Variants in SH3GL2 observed in about 807,000 individuals in gnomAD.
The protein encoded by SH3GL2 is endophilin-A1.
A neutral mutation model predicts 46.0 loss-of-function variants in SH3GL2; 24 were observed. The observed-to-expected ratio is 0.52, with a 90% CI of 0.38 to 0.73. The LOEUF (loss-of-function observed/expected upper bound fraction) is 0.73, where lower values mean the gene tolerates loss of function less well. Among genes scored for constraint, SH3GL2 ranks in the 30% least tolerant of loss-of-function variants. SH3GL2 has a pLI of 0.00. For synonymous variants in SH3GL2, 196 were observed against 147.1 expected, an observed-to-expected ratio of 1.33 and a Z score of -2.40; for missense variants, 413 against 424.2, an observed-to-expected ratio of 0.97 and a Z score of 0.23.
intron 1 of SH3GL2, among the ~76,000 whole-genome samples, chr9:17,588,494 T>C (rs1251649471): frequency 2.0e-5 from 3 of 152,186 alleles, no homozygotes; most frequent in Non-Finnish European, 4.4e-5. Context: ...ATTGGAAGTA[T>C]GAGCAGGACT....
Position 17,600,850 on chromosome 9 carries a change from G to C in SH3GL2, c.45+21563G>C, listed in dbSNP as rs149452143. 1.4e-3 allele frequency among the ~76,000 whole-genome samples: 218 copies of C among 152,314 alleles called. 2 individuals carry two copies. The highest frequency in any genetic ancestry group is 5.1e-3 in the African/African-American group (210 of 41,566). On this transcript the variant is annotated intron_variant, in intron 1 of 8. Coordinates refer to ENST00000380607, the MANE Select transcript of SH3GL2 (RefSeq NM_003026.5). ...GAAGACAGAGCAGAGGGGAGAAAGA[G>C]ATATGTTATTTATGTAGGTGAAAAA...
chr9:17,615,488 C>G (rs545154191), intron 1 of SH3GL2, among the ~76,000 whole-genome samples: 1 of 151,962 alleles, frequency 6.6e-6, no homozygotes, highest in East Asian at 1.9e-4. Flanking sequence ...AACCCCGTCT[C>G]TACTAAAAAT....
chr9:17,770,899 C>T (rs758903103), intron 3 of SH3GL2, among the ~76,000 whole-genome samples: 3 of 152,208 alleles, frequency 2.0e-5, no homozygotes, highest in Non-Finnish European at 4.4e-5. Context: ...ATGCAGACTT[C>T]TCCCCTCTCT....
intron 1 of SH3GL2, among the ~76,000 whole-genome samples, chr9:17,605,916 A>T (rs1008790158): frequency 6.6e-6 from 1 of 152,188 alleles, no homozygotes; most frequent in Non-Finnish European, 1.5e-5. Flanking sequence ...CCCAGGCAGT[A>T]ACTGAACTGA....
At chr9:17,621,598 A>C (rs546270703) in intron 1 of SH3GL2, among the ~76,000 whole-genome samples, 8 of 152,136 alleles carry the variant, frequency 5.3e-5, no homozygotes, top group Non-Finnish European at 1.0e-4. Flanking sequence ...ATGTTCTTTA[A>C]CTCTGTTTAA....
intron 3 of SH3GL2, among the ~76,000 whole-genome samples, chr9:17,768,385 A>AC (rs1186705282): frequency 1.7e-4 from 26 of 151,928 alleles, no homozygotes; most frequent in African/African-American, 5.6e-4. Context: ...AAAAAAAAAA[A>AC]AAAAAACACC....
chr9:17,661,342 T>G (rs1015861266), intron 1 of SH3GL2, among the ~76,000 whole-genome samples: 10 of 152,064 alleles, frequency 6.6e-5, no homozygotes, highest in Non-Finnish European at 1.3e-4. Context: ...ATATGATGGA[T>G]GACAGGCCCA....
chr9:17,599,545 G>C (rs1818631307), intron 1 of SH3GL2, among the ~76,000 whole-genome samples: 1 of 150,636 alleles, frequency 6.6e-6, no homozygotes, highest in Admixed American at 6.6e-5. Flanking sequence ...TTGGGGATGT[G>C]CAAAGATGTA....
chr9:17,647,365 A>G (rs13299336), intron 1 of SH3GL2, among the ~76,000 whole-genome samples: 2,569 of 152,114 alleles, frequency 0.017, 29 homozygotes, highest in Non-Finnish European at 0.029. Flanking sequence ...GATGTGGGTG[A>G]TTTCATTTAG....
chr9:17,682,375 A>G lies in SH3GL2; in HGVS notation c.46-64691A>G, dbSNP rs182830901. ...ACATGTACACCATGGAATACTATGCAGCTATGTGAAGGAATGAGATCAGAT... is the reference window on the plus strand; with the variant it reads ...ACATGTACACCATGGAATACTATGCGGCTATGTGAAGGAATGAGATCAGAT... On this transcript the variant is annotated intron_variant, in intron 1 of 8. Coordinates refer to ENST00000380607, the MANE Select transcript of SH3GL2 (RefSeq NM_003026.5). Among the ~76,000 whole-genome samples, 3 of 152,360 alleles carry G rather than the reference A, an allele frequency of 2.0e-5. No individual in the cohort carries two copies. In the East Asian group the frequency reaches 5.8e-4, roughly 29 times the overall value.
chr9:17,593,768 T>G (rs143295042), intron 1 of SH3GL2, among the ~76,000 whole-genome samples: 228 of 152,302 alleles, frequency 1.5e-3, no homozygotes, highest in African/African-American at 5.4e-3. Flanking sequence ...GACATGTTCT[T>G]TAAGAGAAGC....
chr9:17,745,018 A>G (rs1435833040), intron 1 of SH3GL2, among the ~76,000 whole-genome samples: 1 of 152,132 alleles, frequency 6.6e-6, no homozygotes, highest in Non-Finnish European at 1.5e-5. Flanking sequence ...GTGGATGTAA[A>G]AACTCCTAGG....
chr9:17,762,522 C>G (rs1823208417), intron 3 of SH3GL2, among the ~76,000 whole-genome samples: 1 of 152,066 alleles, frequency 6.6e-6, no homozygotes, highest in Non-Finnish European at 1.5e-5. Context: ...CCTTATTCAC[C>G]TATGACCAGC....
intron 8 of SH3GL2, 48 bp from the exon 9 acceptor site, chr9:17,795,495 AC>A (rs758471003): frequency 5.4e-6 from 8 of 1,476,250 alleles, no homozygotes; most frequent in Non-Finnish European, 7.5e-6. Flanking sequence ...TGAGTTAAAT[AC>A]CCCTTATCCT....
intron 1 of SH3GL2, among the ~76,000 whole-genome samples, chr9:17,632,963 A>T (rs1819465437): frequency 6.6e-6 from 1 of 152,198 alleles, no homozygotes; most frequent in Non-Finnish European, 1.5e-5. Flanking sequence ...TATTAGCCTG[A>T]GGACAAAAGT....
At chr9:17,622,391 G>T (rs554770956) in intron 1 of SH3GL2, among the ~76,000 whole-genome samples, 2 of 152,100 alleles carry the variant, frequency 1.3e-5, no homozygotes, top group African/African-American at 4.8e-5. Flanking sequence ...AATTTCAGTA[G>T]CATTCTTCCA....
At chr9:17,702,235 G>T (rs557824766) in intron 1 of SH3GL2, among the ~76,000 whole-genome samples, 2 of 152,088 alleles carry the variant, frequency 1.3e-5, no homozygotes, top group South Asian at 4.2e-4. Context: ...ATTCACATTG[G>T]CAGGACCAGG....
In SH3GL2 at chr9:17,579,134, G is replaced by A. The variant is rs1588152615; in HGVS notation, c.-109G>A. ...GCGCCCTCGCGCCCATAGCCCCGGC[G>A]GCGGCACGACCAGAGGCGGCCAGGG... On this transcript the variant is annotated 5_prime_UTR_variant, in exon 1 of 9. Transcript: ENST00000380607. 4 of 671,514 alleles carry A rather than the reference G, an allele frequency of 6.0e-6. No individual in the cohort carries two copies. Among genetic ancestry groups the A allele is most frequent in the Non-Finnish European group, 9.1e-6 (4 of 438,826 alleles). 41.6% of individuals were successfully genotyped at this position (671,514 alleles called of 1,614,324 possible).
At chr9:17,605,078 TCCTCTCA>T (rs1818739522) in intron 1 of SH3GL2, among the ~76,000 whole-genome samples, 1 of 151,478 alleles carries the variant, frequency 6.6e-6, no homozygotes, top group Non-Finnish European at 1.5e-5. Flanking sequence ...GCTCAAGTGA[TCCTCTCA>T]CCTTAGCCTC....
Sources: gnomAD v4.1 joint callset for allele counts (sites outside exome capture counted in the v4.1 genomes callset) on GRCh38, gnomAD v4.1.1 for gene constraint, MANE v1.5 for transcripts, NCBI Gene and HGNC (gene_info 2026-07-23, HGNC 2026-07-21) for gene names.